MPND: variants seen among roughly 807,000 people sequenced by gnomAD.
MPND encodes MPN domain containing.
In MPND, 56 loss-of-function variants were observed where a neutral mutation model predicts 59.2. The observed-to-expected ratio is 0.95, with a 90% CI of 0.76 to 1.18. The LOEUF is 1.18. Among genes scored for constraint, MPND ranks in the 50% most tolerant of loss-of-function variants. MPND has a pLI of 0.00. For missense variants in MPND, 671 were observed against 676.0 expected (o/e 0.99, Z 0.08); for synonymous variants, 323 against 291.9 (o/e 1.11, Z -1.09).
In MPND at chr19:4,352,908, T is replaced by TGAAGGGGAGGAGGAGGAGTTGCTGATG. The variant is rs1158474692; in HGVS notation, c.548_574dup (p.Gly183_Glu191dup). 1 of 1,385,886 alleles carries TGAAGGGGAGGAGGAGGAGTTGCTGATG rather than the reference T, an allele frequency of 7.2e-7. No homozygotes were observed. Among genetic ancestry groups the TGAAGGGGAGGAGGAGGAGTTGCTGATG allele is most frequent in the Non-Finnish European group, 9.4e-7 (1 of 1,061,344 alleles). 85.8% of individuals were successfully genotyped at this position (1,385,886 alleles called of 1,614,324 possible). On this transcript the variant is annotated inframe_insertion, in exon 4 of 13. Coordinates refer to ENST00000599840, the MANE Select transcript of MPND (RefSeq NM_001300862.2). ...CCTAACCCCTGCAGAGCCCAGCCAG[T>TGAAGGGGAGGAGGAGGAGTTGCTGATG]GAAGGGGAGGAGGAGGAGTTGCTGA...
intron 3 of MPND, among the ~76,000 whole-genome samples, chr19:4,351,659 G>A (rs11666771): frequency 0.22 from 32,597 of 150,114 alleles, 3,898 homozygotes; most frequent in African/African-American, 0.33. Flanking sequence ...TCAGACGATC[G>A]AGACCATCCT....
chr19:4,349,793 G>A (rs960516957), intron 3 of MPND, among the ~76,000 whole-genome samples: 1 of 152,244 alleles, frequency 6.6e-6, no homozygotes, highest in Non-Finnish European at 1.5e-5. Flanking sequence ...TTGCAGGCGT[G>A]AGCCAGCCAT....
intron 3 of MPND, 56 bp from the exon 4 acceptor site, chr19:4,352,837 GGAGC>G: frequency 6.3e-6 from 8 of 1,276,744 alleles, no homozygotes; most frequent in South Asian, 6.4e-5. Context: ...GATTTAGCAG[GGAGC>G]GGGGGGGCAC....
chr19:4,357,600 T>TG lies in MPND; in HGVS notation c.1236+18dup, dbSNP rs767138234. On this transcript the variant is annotated intron_variant, in intron 10 of 12. Coordinates refer to ENST00000599840, the MANE Select transcript of MPND (RefSeq NM_001300862.2). Reference sequence around the variant, plus strand: ...CTCCTCCCGAGGTAGGTGGGGCTGTTGGGAGAGCCTGGGGGGCCCGGGAGC... The same window carrying TG: ...CTCCTCCCGAGGTAGGTGGGGCTGTTGGGGAGAGCCTGGGGGGCCCGGGAGC... 13 of 1,599,494 alleles carry TG rather than the reference T, an allele frequency of 8.1e-6. No individual in the cohort carries two copies. The highest frequency in any genetic ancestry group is 1.7e-5 in the Admixed American group (1 of 57,690).
At chr19:4,353,917 C>T (rs1229939438) in intron 4 of MPND, 128 bp from the exon 5 acceptor site, 6 of 746,252 alleles carry the variant, frequency 8.0e-6, no homozygotes, top group Admixed American at 2.3e-5. Context: ...CAGCCTCAAC[C>T]TCCCATGCTC....
intron 8 of MPND, among the ~76,000 whole-genome samples, chr19:4,356,177 A>G (rs1972435056): frequency 6.6e-6 from 1 of 152,068 alleles, no homozygotes; most frequent in African/African-American, 2.4e-5. Context: ...TGGATCTCCT[A>G]GCCCTGGTGC....
At position 4,345,865 on chromosome 19, in the gene MPND, A is replaced by C; in HGVS notation, c.415A>C (p.Lys139Gln). 1.2e-6 allele frequency: 2 copies of C among 1,614,098 alleles called. No homozygotes were observed. Among genetic ancestry groups the C allele is most frequent in the Non-Finnish European group, 1.7e-6 (2 of 1,180,034 alleles). The change falls in exon 3 of 13, where the codon AAG (lysine) becomes CAG (glutamine). Residue 139 changes from lysine (K) to glutamine (Q), a missense_variant. By Grantham distance (53) the Lys-to-Gln change is moderately conservative (BLOSUM62 1). Coordinates refer to ENST00000599840, the MANE Select transcript of MPND (RefSeq NM_001300862.2). ...CTGCAAGAAGCTGGTGAACCCTGCC[A>C]AGAAGTCGGGCTGTGGCTGGGCCTC... Reference protein sequence around the residue: ...THCKKLVNPAKKSGCGWASVK... With the variant: ...THCKKLVNPAQKSGCGWASVK...
At chr19:4,357,781 T>C (rs1972476098) in intron 10 of MPND, 196 bp downstream of exon 10, 3 of 626,906 alleles carry the variant, frequency 4.8e-6, no homozygotes, top group Non-Finnish European at 5.6e-6. Context: ...CGTTGTGTCA[T>C]TGGCTGCTCA....
intron 3 of MPND, among the ~76,000 whole-genome samples, chr19:4,350,961 TGTGTGAGGACCGTGTCCTGGTAG>T (rs1972303745): frequency 6.6e-6 from 1 of 151,678 alleles, no homozygotes; most frequent in South Asian, 2.1e-4. Context: ...ATCCGGGGGT[TGTGTGAGGACCGTGTCCTGGTAG>T]GTAGGAGGCT....
At chr19:4,350,363 G>A (rs1972289346) in intron 3 of MPND, among the ~76,000 whole-genome samples, 1 of 152,066 alleles carries the variant, frequency 6.6e-6, no homozygotes, top group African/African-American at 2.4e-5. Context: ...GAAGGTGGGA[G>A]CCATGGAGTG....
chr19:4,358,468 A>G, intron 11 of MPND: 2 of 412,534 alleles, frequency 4.8e-6, no homozygotes, highest in Non-Finnish European at 8.8e-6. Flanking sequence ...GAACACTTAA[A>G]AATTGTGTGT....
chr19:4,353,154 C>A, intron 4 of MPND, 125 bp downstream of exon 4: 1 of 760,706 alleles, frequency 1.3e-6, no homozygotes, highest in Non-Finnish European at 1.8e-6. Flanking sequence ...GGAGAGTCAG[C>A]TGGGCCCTAA....
intron 12 of MPND, 82 bp from the exon 13 acceptor site, chr19:4,359,834 C>T: frequency 1.7e-6 from 2 of 1,153,336 alleles, no homozygotes; most frequent in South Asian, 1.5e-5. Flanking sequence ...AGTCAGGATG[C>T]TGGACTTGCA....
At chr19:4,348,307 C>CTGGA (rs1381906010) in intron 3 of MPND, 1 of 133,076 alleles carries the variant, frequency 7.5e-6, no homozygotes, top group Non-Finnish European at 1.5e-5. Flanking sequence ...GTCGCCCAGG[C>CTGGA]TGGAGCTCAG....
In MPND at chr19:4,343,970, CG is replaced by C; in HGVS notation, c.274del (p.Val92CysfsTer44). 1 of 1,383,896 alleles carries C rather than the reference CG, an allele frequency of 7.2e-7. No individual in the cohort carries two copies. Among genetic ancestry groups the C allele is most frequent in the Non-Finnish European group, 9.4e-7 (1 of 1,068,084 alleles). The allele number at this position is 1,383,896 out of a possible 1,614,324, so 85.7% of individuals were successfully genotyped here. A position where few individuals can be genotyped will look rare whatever the true frequency, so the allele number is the denominator to read the frequency against. Reference protein sequence around the residue: ...LKDALLEPGAGVLSIYYLGKK... With the variant: ...LKDALLEPGAXVLSIYYLGKK... Reference sequence around the variant, plus strand: ...AAGACGCGCTGCTGGAGCCTGGCGCCGGGGTGCTGTCCATCTACTACCTGGT... The same window carrying C: ...AAGACGCGCTGCTGGAGCCTGGCGCCGGGTGCTGTCCATCTACTACCTGGT... On this transcript the variant is annotated frameshift_variant, in exon 2 of 13. Transcript: ENST00000599840. LOFTEE classifies it high-confidence loss of function.
At chr19:4,357,868 G>GGAA (rs1384743619) in intron 10 of MPND, 17 of 607,820 alleles carry the variant, frequency 2.8e-5, no homozygotes, top group Non-Finnish European at 4.4e-5. Context: ...GTCAGCCCTG[G>GGAA]GAAGTCATTT....
intron 3 of MPND, chr19:4,348,766 TC>T (rs1972246578): frequency 6.6e-6 from 1 of 152,016 alleles, no homozygotes; most frequent in African/African-American, 2.4e-5. Context: ...CAAGCCATTC[TC>T]CTACCTCAGC....
Position 4,345,040 on chromosome 19 carries a change from C to CTTT in MPND, c.295-682_295-680dup, listed in dbSNP as rs773615575. ...ATAGGCGTGAGCCACCATGCCCGGC[C>CTTT]TTTTTTTTTTTTTTTTTTTTTTTTT... On this transcript the variant is annotated intron_variant, in intron 2 of 12. Coordinates refer to ENST00000599840, the MANE Select transcript of MPND (RefSeq NM_001300862.2). Among the ~76,000 whole-genome samples, 223 of 66,472 alleles carry CTTT rather than the reference C, an allele frequency of 3.4e-3. 4 individuals are homozygous for CTTT. Among genetic ancestry groups the CTTT allele is most frequent in the Non-Finnish European group, 4.0e-3 (146 of 36,196 alleles). 43.6% of individuals were successfully genotyped at this position (66,472 alleles called of 152,430 possible). A position where few individuals can be genotyped will look rare whatever the true frequency, so the allele number is the denominator to read the frequency against.
chr19:4,354,528 C>T (rs1035845148), intron 6 of MPND, 108 bp downstream of exon 6: 1 of 902,220 alleles, frequency 1.1e-6, no homozygotes. Flanking sequence ...GCCTTGTCTG[C>T]TTTGTTTGCT....
Sources: allele counts gnomAD v4.1 joint callset (sites outside exome capture counted in the v4.1 genomes callset), GRCh38; gene constraint gnomAD v4.1.1; transcripts MANE v1.5; gene names NCBI Gene and HGNC (gene_info 2026-07-23, HGNC 2026-07-21).